Variants in OR1J2 observed in about 807,000 individuals in gnomAD.
OR1J2 encodes the protein olfactory receptor family 1 subfamily J member 2.
For synonymous variants in OR1J2, 142 were observed against 99.7 expected (o/e 1.42, Z -2.52); for missense variants, 304 against 246.1 (o/e 1.24, Z -1.57).
the OR1J2 span, among the ~76,000 whole-genome samples, chr9:122,465,360 C>G: frequency 6.6e-6 from 1 of 152,224 alleles, no homozygotes. Context: ...TCGGGCTTTT[C>G]TTTTGCTCTC....
At chr9:122,463,554 C>T in the OR1J2 span, among the ~76,000 whole-genome samples, 6 of 152,166 alleles carry the variant, frequency 3.9e-5, no homozygotes, top group Non-Finnish European at 8.8e-5. Context: ...TTTGGGTAGA[C>T]TATGTCAGAG....
chr9:122,565,455 G>C, the OR1J2 span, among the ~76,000 whole-genome samples: 1 of 152,174 alleles, frequency 6.6e-6, no homozygotes. Flanking sequence ...ATGGCGGCAG[G>C]GATGGAGGTT....
At chr9:122,513,429 CACCTA>C (rs141965867), downstream of OR1J2, among the ~76,000 whole-genome samples, 235 of 152,298 alleles carry the variant, frequency 1.5e-3, 4 homozygotes, top group East Asian at 0.044. Context: ...CATAACCTTT[CACCTA>C]GGCTTTGGGC....
At chr9:122,555,982 T>A in the OR1J2 span, among the ~76,000 whole-genome samples, 1 of 152,240 alleles carries the variant, frequency 6.6e-6, no homozygotes, top group African/African-American at 2.4e-5. Flanking sequence ...TATAGTATCA[T>A]ACAGAATAGT....
chr9:122,534,133 TG>T, the OR1J2 span, among the ~76,000 whole-genome samples: 20 of 152,288 alleles, frequency 1.3e-4, no homozygotes, highest in Non-Finnish European at 2.6e-4. Flanking sequence ...GAGGAACACC[TG>T]TGCCCTGCGG....
At chr9:122,563,395 T>C in the OR1J2 span, among the ~76,000 whole-genome samples, 2 of 152,222 alleles carry the variant, frequency 1.3e-5, no homozygotes, top group East Asian at 1.9e-4. Context: ...TTGTTGACCA[T>C]ATAGATGTCT....
chr9:122,539,576 C>T, the OR1J2 span, among the ~76,000 whole-genome samples: 3 of 152,108 alleles, frequency 2.0e-5, no homozygotes, highest in Admixed American at 6.6e-5. Context: ...AATAAACATA[C>T]GTGTGCATGT....
chr9:122,486,492 G>A, the OR1J2 span, among the ~76,000 whole-genome samples: 1 of 152,194 alleles, frequency 6.6e-6, no homozygotes, highest in African/African-American at 2.4e-5. Flanking sequence ...GTAAATTGGA[G>A]AGTTTAAGGA....
At chr9:122,467,910 A>G in the OR1J2 span, among the ~76,000 whole-genome samples, 2 of 152,164 alleles carry the variant, frequency 1.3e-5, no homozygotes, top group African/African-American at 4.8e-5. Flanking sequence ...TGATCTGTGT[A>G]TTACATTATT....
chr9:122,510,126 G>A (rs1828604798), upstream of OR1J2, among the ~76,000 whole-genome samples: 1 of 152,062 alleles, frequency 6.6e-6, no homozygotes, highest in African/African-American at 2.4e-5. Context: ...TGCACGTCCT[G>A]CACATGTACC....
Position 122,511,042 on chromosome 9 carries a change from A to T in OR1J2, c.241A>T (p.Met81Leu). 6.7e-7 allele frequency: 1 copy of T among 1,490,242 alleles called. No individual in the cohort carries two copies. Among genetic ancestry groups the T allele is most frequent in the Non-Finnish European group, 9.3e-7 (1 of 1,071,648 alleles). The allele number at this position is 1,490,242 out of a possible 1,614,324, so 92.3% of individuals were successfully genotyped here. A position where few individuals can be genotyped will look rare whatever the true frequency, so the allele number is the denominator to read the frequency against. The change falls in exon 1 of 1, where the codon ATG becomes TTG. Residue 81 changes from methionine (M) to leucine (L), a missense_variant. Transcript: ENST00000335302. ...CTTTTCATCTGTCACTGTCCCTAAGATGCTGATGGACATGCGGACTAAGTA... is the reference window on the plus strand; with the variant it reads ...CTTTTCATCTGTCACTGTCCCTAAGTTGCTGATGGACATGCGGACTAAGTA... The part of the protein sequence containing the change: ...ISFSSVTVPK[M>L]LMDMRTKYKS...
the OR1J2 span, among the ~76,000 whole-genome samples, chr9:122,540,660 C>G: frequency 6.6e-6 from 1 of 152,066 alleles, no homozygotes. Flanking sequence ...CAGAAAGTCA[C>G]TGGTAGCTTG....
the OR1J2 span, among the ~76,000 whole-genome samples, chr9:122,544,123 A>C: frequency 0.26 from 40,072 of 152,038 alleles, 5,642 homozygotes; most frequent in East Asian, 0.54. Context: ...GTAGCTCATA[A>C]ATATATAAAG....
At chr9:122,451,161 T>TATTATTATC in the OR1J2 span, among the ~76,000 whole-genome samples, 1 of 135,326 alleles carries the variant, frequency 7.4e-6, no homozygotes, top group East Asian at 2.0e-4. Context: ...GCATTATTAT[T>TATTATTATC]ATTATTATTA....
the OR1J2 span, among the ~76,000 whole-genome samples, chr9:122,517,376 C>G: frequency 6.6e-6 from 1 of 152,162 alleles, no homozygotes; most frequent in Non-Finnish European, 1.5e-5. Context: ...CCATTCGGAA[C>G]TCTGTTATGT....
At chr9:122,503,949 C>A in the OR1J2 span, among the ~76,000 whole-genome samples, 2 of 152,186 alleles carry the variant, frequency 1.3e-5, no homozygotes, top group East Asian at 3.9e-4. Flanking sequence ...CGTCTATGAA[C>A]CAAGCCCAGG....
chr9:122,467,930 A>T, the OR1J2 span, among the ~76,000 whole-genome samples: 3 of 152,356 alleles, frequency 2.0e-5, no homozygotes, highest in South Asian at 6.2e-4. Flanking sequence ...TCATTATTCC[A>T]GGGGATCAAG....
chr9:122,553,828 G>C, the OR1J2 span: 1 of 1,614,016 alleles, frequency 6.2e-7, no homozygotes, highest in Non-Finnish European at 8.5e-7. Flanking sequence ...ATCACCATGG[G>C]CTTGCTGTTC....
chr9:122,574,612 A>T, the OR1J2 span, among the ~76,000 whole-genome samples: 2 of 146,466 alleles, frequency 1.4e-5, no homozygotes, highest in South Asian at 4.2e-4. Flanking sequence ...GATTTTCTAT[A>T]TAGACAATCA....
Sources: allele counts gnomAD v4.1 joint callset (sites outside exome capture counted in the v4.1 genomes callset), GRCh38; gene constraint gnomAD v4.1.1; transcripts MANE v1.5; gene names NCBI Gene and HGNC (gene_info 2026-07-23, HGNC 2026-07-21).